The following MINDY2 variants were observed in gnomAD, a reference collection of about 807,000 sequenced individuals.
MINDY2 encodes MINDY lysine 48 deubiquitinase 2, also known as ubiquitin carboxyl-terminal hydrolase MINDY-2.
Under a neutral mutation model 68.2 loss-of-function variants are expected in MINDY2, and 52 were observed. The observed-to-expected ratio is 0.76, with a 90% confidence interval of 0.61 to 0.96. The LOEUF (loss-of-function observed/expected upper bound fraction) is 0.96, where lower values mean the gene tolerates loss of function less well. Ranked by LOEUF, MINDY2 falls within the 40% of genes least tolerant of loss-of-function variation. MINDY2 has a pLI of 0.00. For synonymous variants in MINDY2, 372 were observed against 303.0 expected (o/e 1.23, Z -2.36); for missense variants, 881 against 773.4 (o/e 1.14, Z -1.65).
At position 58,771,926 on chromosome 15, in the gene MINDY2, G is replaced by A. The variant is rs1347926204; in HGVS notation, c.531G>A (p.Glu177=). The A allele has an allele frequency of 6.4e-7, 1 of 1,555,250 alleles. No homozygotes were observed. Among genetic ancestry groups the A allele is most frequent in the Non-Finnish European group, 8.7e-7 (1 of 1,152,498 alleles). Residue 177 remains glutamate, a synonymous_variant, in exon 1 of 9, where the codon GAG becomes GAA. Coordinates refer to ENST00000559228, the MANE Select transcript of MINDY2 (RefSeq NM_001040450.3). ...AATCTCCGAGCCTGGACTCTCTGGAGTCGTTCTCTAACCTGCATTCTTTTC... is the reference window on the plus strand; with the variant it reads ...AATCTCCGAGCCTGGACTCTCTGGAATCGTTCTCTAACCTGCATTCTTTTC... ...PGESPSLDSL[E]SFSNLHSFPS... is the part of the protein sequence containing the mutation.
intron 4 of MINDY2, among the ~76,000 whole-genome samples, chr15:58,813,822 A>G (rs1239412861): frequency 2.0e-5 from 3 of 151,610 alleles, no homozygotes; most frequent in African/African-American, 7.3e-5. Context: ...CCAGTAACAT[A>G]TGAGTGATCC....
intron 6 of MINDY2, among the ~76,000 whole-genome samples, chr15:58,843,236 A>G (rs569930359): frequency 1.1e-4 from 17 of 152,212 alleles, no homozygotes; most frequent in East Asian, 3.9e-4. Context: ...TGGATCCTCT[A>G]TCTCTTGGGT....
chr15:58,837,036 T>C (rs1364072326), intron 6 of MINDY2, among the ~76,000 whole-genome samples: 1 of 152,144 alleles, frequency 6.6e-6, no homozygotes, highest in Non-Finnish European at 1.5e-5. Flanking sequence ...ATAGAACCCC[T>C]AAAGGAATAC....
intron 1 of MINDY2, among the ~76,000 whole-genome samples, chr15:58,784,449 A>G (rs1320467816): frequency 6.6e-6 from 1 of 152,158 alleles, no homozygotes; most frequent in African/African-American, 2.4e-5. Flanking sequence ...ATTTGTTAAT[A>G]TATGTTGAGA....
chr15:58,787,513 G>A (rs1901586625), intron 1 of MINDY2, among the ~76,000 whole-genome samples: 1 of 151,946 alleles, frequency 6.6e-6, no homozygotes, highest in Admixed American at 6.6e-5. Flanking sequence ...CGAGGCAGGT[G>A]GATCAGAAGG....
At chr15:58,829,454 C>T (rs1469689597) in intron 5 of MINDY2, among the ~76,000 whole-genome samples, 3 of 152,202 alleles carry the variant, frequency 2.0e-5, no homozygotes, top group Non-Finnish European at 2.9e-5. Flanking sequence ...CTTATTCTCT[C>T]TGAGCCTATG....
At chr15:58,854,338 T>TA in intron 8 of MINDY2, 144 bp from the exon 9 acceptor site, 2 of 730,388 alleles carry the variant, frequency 2.7e-6, no homozygotes, top group South Asian at 4.6e-5. Flanking sequence ...AGATACCATG[T>TA]AATATAACAA....
intron 1 of MINDY2, among the ~76,000 whole-genome samples, chr15:58,783,075 G>T (rs1308268067): frequency 6.6e-6 from 1 of 151,380 alleles, no homozygotes; most frequent in African/African-American, 2.4e-5. Context: ...ACCTGCCACC[G>T]CGCCTGGCTA....
At chr15:58,809,561 G>A (rs1202397562) in intron 3 of MINDY2, among the ~76,000 whole-genome samples, 1 of 152,100 alleles carries the variant, frequency 6.6e-6, no homozygotes, top group East Asian at 1.9e-4. Flanking sequence ...CCTACTTTCA[G>A]TTATTTTAGA....
rs1174633422 is a variant in MINDY2 at position 58,810,344 on chromosome 15, C to T, written c.1078C>T (p.Leu360Phe). The change falls in exon 4 of 9, where the codon CTT (leucine) becomes TTT (phenylalanine). Residue 360 changes from leucine (L) to phenylalanine (F), a missense_variant. Coordinates refer to ENST00000559228, the MANE Select transcript of MINDY2 (RefSeq NM_001040450.3). Reference protein sequence around the residue: ...EYTPECIVFDLLDIPLYHGWL... With the variant: ...EYTPECIVFDFLDIPLYHGWL... The stretch of plus-strand genomic sequence containing the variant: ...TACACCAGAATGCATAGTATTTGAT[C>T]TTCTTGATATTCCTTTGTACCATGG... The T allele has an allele frequency of 1.1e-5, 17 of 1,612,382 alleles. No individual in the cohort carries two copies. Among genetic ancestry groups the T allele is most frequent in the Non-Finnish European group, 1.4e-5 (16 of 1,179,550 alleles).
intron 7 of MINDY2, among the ~76,000 whole-genome samples, chr15:58,848,402 A>C (rs1166802766): frequency 6.6e-6 from 1 of 152,178 alleles, no homozygotes; most frequent in African/African-American, 2.4e-5. Flanking sequence ...AACTCATGTT[A>C]TATGTTCTAT....
At chr15:58,841,577 G>A (rs1199050278) in intron 6 of MINDY2, among the ~76,000 whole-genome samples, 1 of 151,552 alleles carries the variant, frequency 6.6e-6, no homozygotes, top group African/African-American at 2.4e-5. Flanking sequence ...GGCTAATTTT[G>A]TACTTTTAGT....
chr15:58,783,603 CTATTCCCAAA>C (rs1372349947), intron 1 of MINDY2, among the ~76,000 whole-genome samples: 2 of 152,154 alleles, frequency 1.3e-5, no homozygotes, highest in Admixed American at 6.5e-5. Context: ...TTGCTTGAGT[CTATTCCCAAA>C]TTTACTTTAC....
intron 1 of MINDY2, among the ~76,000 whole-genome samples, chr15:58,774,942 G>GT (rs1294949540): frequency 1.3e-5 from 2 of 151,916 alleles, no homozygotes; most frequent in Non-Finnish European, 2.9e-5. Flanking sequence ...GGTTATCAGT[G>GT]TTTTTTTTCT....
At chr15:58,821,039 T>A (rs2031029108) in intron 4 of MINDY2, among the ~76,000 whole-genome samples, 1 of 151,552 alleles carries the variant, frequency 6.6e-6, no homozygotes, top group African/African-American at 2.4e-5. Flanking sequence ...CAAAGCAAAG[T>A]GTAATGGAGA....
In MINDY2 at chr15:58,787,887, A is replaced by G. The variant is rs1386644434; in HGVS notation, c.841-19A>G. The stretch of plus-strand genomic sequence containing the variant: ...ACCTAAAACATTTAATTTTATAGAA[A>G]TAATATTTTGTTTTTCAGGTGAAAC... On this transcript the variant is annotated intron_variant, in intron 1 of 8. Coordinates refer to ENST00000559228, the MANE Select transcript of MINDY2 (RefSeq NM_001040450.3). The G allele has an allele frequency of 1.3e-6, 2 of 1,547,200 alleles. No individual in the cohort carries two copies. Among genetic ancestry groups the G allele is most frequent in the Non-Finnish European group, 1.8e-6 (2 of 1,136,904 alleles).
chr15:58,836,360 G>T (rs1203960841), intron 6 of MINDY2, among the ~76,000 whole-genome samples: 3 of 151,594 alleles, frequency 2.0e-5, no homozygotes, highest in Non-Finnish European at 4.4e-5. Flanking sequence ...CTTGTCCCCA[G>T]AATAGTTCTA....
chr15:58,841,556 C>T (rs1364262713), intron 6 of MINDY2, among the ~76,000 whole-genome samples: 1 of 151,912 alleles, frequency 6.6e-6, no homozygotes, highest in Non-Finnish European at 1.5e-5. Flanking sequence ...CAGGTGCATA[C>T]CACCATGCTT....
chr15:58,838,893 C>T (rs1056997479), intron 6 of MINDY2, among the ~76,000 whole-genome samples: 9 of 151,674 alleles, frequency 5.9e-5, no homozygotes, highest in South Asian at 4.2e-4. Flanking sequence ...ATTTTTATTA[C>T]GACTTTTCAG....
Sources: gnomAD v4.1 joint callset for allele counts (sites outside exome capture counted in the v4.1 genomes callset) on GRCh38, gnomAD v4.1.1 for gene constraint, MANE v1.5 for transcripts, NCBI Gene and HGNC (gene_info 2026-07-23, HGNC 2026-07-21) for gene names.